ZNF875: variants seen among roughly 807,000 people sequenced by gnomAD.
ZNF875 encodes zinc finger protein 875.
In ZNF875, 14 loss-of-function variants were observed where a neutral mutation model predicts 11.2. The observed-to-expected ratio is 1.26, with a 90% CI of 0.83 to 1.96. The LOEUF (loss-of-function observed/expected upper bound fraction) is 1.96, where lower values mean the gene tolerates loss of function less well. Among genes scored for constraint, ZNF875 ranks in the 30% most tolerant of loss-of-function variants. The pLI is 0.00. For missense variants in ZNF875, 752 were observed against 760.4 expected (o/e 0.99, Z 0.13); for synonymous variants, 301 against 281.1 (o/e 1.07, Z -0.71).
intron 2 of ZNF875, 113 bp from the exon 3 acceptor site, chr19:37,347,077 A>G (rs748710067): frequency 6.8e-7 from 1 of 1,474,286 alleles, no homozygotes. Context: ...TTGGCCTCCC[A>G]AAGTGCTGGG....
At position 37,363,025 on chromosome 19, in the gene ZNF875, G is replaced by T; in HGVS notation, c.1173G>T (p.Glu391Asp). The part of the protein sequence containing the change: ...LVRHKRTHSG[E>D]KPYICRECEQ... ...GACACAAGAGGACACATTCAGGAGA[G>T]AAGCCTTACATTTGCAGGGAGTGTG... The change falls in exon 5 of 5, where the codon GAG (glutamate) becomes GAT (aspartate). Residue 391 changes from glutamate to aspartate, a missense_variant. Glu to Asp is a conservative substitution (Grantham distance 45). Coordinates refer to ENST00000392153, the MANE Select transcript of ZNF875 (RefSeq NM_001353803.2). 1 of 1,614,136 alleles carries T rather than the reference G, an allele frequency of 6.2e-7. No individual in the cohort carries two copies. The highest frequency in any genetic ancestry group is 8.5e-7 in the Non-Finnish European group (1 of 1,180,022).
chr19:37,326,901 C>A (rs2032547078), intron 4 of ZNF875, among the ~76,000 whole-genome samples: 1 of 151,972 alleles, frequency 6.6e-6, no homozygotes. Flanking sequence ...CTCTTGACCT[C>A]AAGTGATCTG....
chr19:37,353,466 G>A (rs1403924074), intron 4 of ZNF875, among the ~76,000 whole-genome samples: 2 of 152,168 alleles, frequency 1.3e-5, no homozygotes, highest in East Asian at 1.9e-4. Context: ...TAAGGTAAAT[G>A]TATGTAGAAA....
At chr19:37,329,607 A>T (rs541766491) in intron 4 of ZNF875, among the ~76,000 whole-genome samples, 1 of 152,204 alleles carries the variant, frequency 6.6e-6, no homozygotes, top group Non-Finnish European at 1.5e-5. Flanking sequence ...TTTATTGTCC[A>T]TCATTACGTA....
At chr19:37,323,860 C>T (rs913178948) in intron 3 of ZNF875, among the ~76,000 whole-genome samples, 3 of 152,128 alleles carry the variant, frequency 2.0e-5, no homozygotes, top group Non-Finnish European at 1.5e-5. Flanking sequence ...TTTGATCGCT[C>T]CGTTCAAATG....
chr19:37,350,944 A>C (rs1478503929), intron 4 of ZNF875, among the ~76,000 whole-genome samples: 2 of 151,354 alleles, frequency 1.3e-5, no homozygotes, highest in East Asian at 3.9e-4. Context: ...AGCTGGGACT[A>C]CAGGCATGTG....
intron 4 of ZNF875, among the ~76,000 whole-genome samples, chr19:37,327,561 G>GA (rs1230265862): frequency 6.7e-6 from 1 of 148,406 alleles, no homozygotes; most frequent in African/African-American, 2.5e-5. Context: ...TGAGGTCAGG[G>GA]GTTTGAGACC....
chr19:37,318,529 T>TC lies in ZNF875; in HGVS notation c.-747+343_-747+344insC, dbSNP rs1471537997. ...TATGAAATCATATTTGTTTTCTTTTTTTTTTTTTTTGAGACAGAGTCTCGC... is the reference window on the plus strand; with the variant it reads ...TATGAAATCATATTTGTTTTCTTTTTCTTTTTTTTTTGAGACAGAGTCTCGC... On this transcript the variant is annotated intron_variant, in intron 1 of 5. Coordinates refer to the ZNF875 transcript ENST00000544914. Among the ~76,000 whole-genome samples the TC allele has an allele frequency of 2.0e-5, 3 of 151,540 alleles. No individual in the cohort carries two copies. In the East Asian group the frequency reaches 5.8e-4, roughly 29 times the overall value.
intron 2 of ZNF875, among the ~76,000 whole-genome samples, chr19:37,336,532 C>G (rs1224086261): frequency 4.6e-5 from 7 of 150,776 alleles, no homozygotes; most frequent in Non-Finnish European, 7.4e-5. Flanking sequence ...ATCTCCTGAC[C>G]TCATGATCCA....
intron 2 of ZNF875, among the ~76,000 whole-genome samples, chr19:37,336,862 C>T (rs2034554970): frequency 6.6e-6 from 1 of 151,820 alleles, no homozygotes; most frequent in South Asian, 2.1e-4. Flanking sequence ...GAGCTGAGAT[C>T]GCACCACTGC....
chr19:37,323,263 C>T (rs546111899), intron 2 of ZNF875, among the ~76,000 whole-genome samples: 2 of 152,078 alleles, frequency 1.3e-5, no homozygotes, highest in Middle Eastern at 3.4e-3. Context: ...AAGCAATTCT[C>T]TTGCCTCAGC....
chr19:37,353,553 A>G (rs765400007), intron 4 of ZNF875, among the ~76,000 whole-genome samples: 3 of 152,180 alleles, frequency 2.0e-5, no homozygotes, highest in Non-Finnish European at 4.4e-5. Context: ...GCCATCTGAT[A>G]CCATTTTCCT....
intron 4 of ZNF875, among the ~76,000 whole-genome samples, chr19:37,326,729 G>A (rs1347825803): frequency 9.2e-5 from 13 of 140,808 alleles, no homozygotes; most frequent in African/African-American, 1.1e-4. Flanking sequence ...GTGCAGTGGC[G>A]TGATCTCATC....
rs11666138 is a variant in ZNF875 at position 37,360,765 on chromosome 19, G to T, written c.257-1344G>T. Among the ~76,000 whole-genome samples, 949 of 151,974 alleles carry T rather than the reference G, an allele frequency of 6.2e-3. 6 individuals carry two copies. Among genetic ancestry groups the T allele is most frequent in the South Asian group, 0.024 (114 of 4,814 alleles). ...CCCACCTCAGCCTCCTTAAGTGTTG[G>T]GATTACAGGCATGAGCCACCGTGCC... is the stretch of plus-strand genomic sequence containing the variant. On this transcript the variant is annotated intron_variant, in intron 4 of 4. Transcript: ENST00000392153.
At chr19:37,341,941 C>T (rs1453740322) in intron 2 of ZNF875, among the ~76,000 whole-genome samples, 1 of 152,200 alleles carries the variant, frequency 6.6e-6, no homozygotes, top group Admixed American at 6.5e-5. Context: ...ATAGAGGAGG[C>T]CTCTCCATTT....
intron 2 of ZNF875, among the ~76,000 whole-genome samples, chr19:37,340,656 T>TTTTC (rs934008908): frequency 6.8e-6 from 1 of 146,560 alleles, no homozygotes; most frequent in African/African-American, 2.5e-5. Flanking sequence ...TTTTTTTTTT[T>TTTTC]TTTTTTTTTT....
chr19:37,349,529 T>C (rs2037442396), intron 4 of ZNF875, among the ~76,000 whole-genome samples: 1 of 152,234 alleles, frequency 6.6e-6, no homozygotes, highest in Non-Finnish European at 1.5e-5. Flanking sequence ...TGGTGTTTGC[T>C]CTTCTGTGAA....
intron 1 of ZNF875, among the ~76,000 whole-genome samples, chr19:37,319,388 C>T (rs1250021340): frequency 2.5e-5 from 3 of 118,482 alleles, no homozygotes; most frequent in Non-Finnish European, 5.0e-5. Context: ...GGTAATGACA[C>T]TATCTCCTAA....
chr19:37,314,471 A>G (rs1372842592), upstream of ZNF875, among the ~76,000 whole-genome samples: 1 of 152,216 alleles, frequency 6.6e-6, no homozygotes, highest in Non-Finnish European at 1.5e-5. Context: ...ATTTCCACTG[A>G]GATGATGCAT....
Sources: gnomAD v4.1 joint callset for allele counts (sites outside exome capture counted in the v4.1 genomes callset) on GRCh38, gnomAD v4.1.1 for gene constraint, MANE v1.5 for transcripts, NCBI Gene and HGNC (gene_info 2026-07-23, HGNC 2026-07-21) for gene names.